Variants in PCSK5 observed in about 807,000 individuals in gnomAD.
PCSK5 encodes the protein proprotein convertase subtilisin/kexin type 5, also known as prohormone convertase 5.
Under a neutral mutation model 233.2 loss-of-function variants are expected in PCSK5, and 129 were observed. The ratio of observed to expected loss-of-function variants is 0.55; its 90% CI spans 0.48 to 0.64. The LOEUF (loss-of-function observed/expected upper bound fraction) is 0.64, where lower values mean the gene tolerates loss of function less well. PCSK5 is among the 30% of genes least tolerant of loss of function. PCSK5 has a pLI of 0.00. For synonymous variants in PCSK5, 825 were observed against 879.2 expected (o/e 0.94, Z 1.09); for missense variants, 2,076 against 2,430.1 (o/e 0.85, Z 3.06).
intron 18 of PCSK5, among the ~76,000 whole-genome samples, 178 bp from the exon 19 acceptor site, chr9:76,188,916 T>G (rs748389779): frequency 6.6e-6 from 1 of 152,268 alleles, no homozygotes; most frequent in Non-Finnish European, 1.5e-5. Context: ...GTGAATGTTT[T>G]TGTCAAGAGG....
chr9:76,295,552 GT>G, intron 26 of PCSK5, 141 bp downstream of exon 26: 1 of 684,408 alleles, frequency 1.5e-6, no homozygotes, highest in Non-Finnish European at 2.4e-6. Context: ...TTTTAATTTG[GT>G]TTAGAAATAA....
At chr9:75,899,090 A>G (rs1825920648) in intron 1 of PCSK5, among the ~76,000 whole-genome samples, 1 of 152,184 alleles carries the variant, frequency 6.6e-6, no homozygotes, top group Non-Finnish European at 1.5e-5. Context: ...CTTGTAGAGG[A>G]TGATTCAATA....
At chr9:75,938,160 G>C (rs1439541729) in intron 2 of PCSK5, among the ~76,000 whole-genome samples, 1 of 152,148 alleles carries the variant, frequency 6.6e-6, no homozygotes, top group African/African-American at 2.4e-5. Context: ...TTCTTACCAA[G>C]TGTAATCATT....
intron 30 of PCSK5, among the ~76,000 whole-genome samples, chr9:76,313,971 TTTGCTTACCAGAGTCAGTCA>T (rs1449793528): frequency 6.6e-6 from 1 of 152,160 alleles, no homozygotes; most frequent in African/African-American, 2.4e-5. Context: ...GTGAAAGAGA[TTTGCTTACCAGAGTCAGTCA>T]TTGCTTCCTC....
intron 8 of PCSK5, among the ~76,000 whole-genome samples, chr9:76,102,715 C>G (rs1474546217): frequency 6.6e-6 from 1 of 152,160 alleles, no homozygotes. Flanking sequence ...ATTGTATATA[C>G]ACATATGCAC....
At chr9:76,323,837 C>G (rs546806412) in intron 32 of PCSK5, among the ~76,000 whole-genome samples, 1 of 152,020 alleles carries the variant, frequency 6.6e-6, no homozygotes, top group African/African-American at 2.4e-5. Flanking sequence ...AGAGGAGGAG[C>G]CTTCAAAAGC....
intron 3 of PCSK5, among the ~76,000 whole-genome samples, chr9:76,018,905 G>A (rs963209286): frequency 3.3e-5 from 5 of 152,124 alleles, no homozygotes; most frequent in South Asian, 2.1e-4. Context: ...TCCAACATCC[G>A]CGCCTTATCT....
At chr9:75,931,338 G>A (rs1214220729) in intron 1 of PCSK5, among the ~76,000 whole-genome samples, 2 of 151,236 alleles carry the variant, frequency 1.3e-5, no homozygotes, top group Admixed American at 1.3e-4. Context: ...TTATTTTAGG[G>A]CAGAGCCGTG....
intron 2 of PCSK5, among the ~76,000 whole-genome samples, chr9:75,978,861 A>G (rs1339259826): frequency 7.7e-6 from 1 of 130,478 alleles, no homozygotes; most frequent in Non-Finnish European, 1.7e-5. Flanking sequence ...CTTTGTTTGA[A>G]TGTTTCCCTT....
intron 3 of PCSK5, among the ~76,000 whole-genome samples, chr9:76,011,056 T>C (rs1034642132): frequency 6.6e-6 from 1 of 152,230 alleles, no homozygotes; most frequent in Middle Eastern, 3.2e-3. Context: ...AGAAATTCTG[T>C]TGGATGCTAT....
At chr9:75,935,636 G>A (rs545779218) in intron 2 of PCSK5, among the ~76,000 whole-genome samples, 6 of 152,030 alleles carry the variant, frequency 3.9e-5, no homozygotes, top group East Asian at 1.9e-4. Context: ...CATGTTTCCC[G>A]AGTCCTCTTT....
intron 2 of PCSK5, among the ~76,000 whole-genome samples, chr9:75,965,665 C>A (rs1046440063): frequency 4.6e-5 from 7 of 152,134 alleles, no homozygotes; most frequent in African/African-American, 1.7e-4. Flanking sequence ...ACAGTTATAC[C>A]CAAAGAGAGT....
chr9:76,319,450 T>C (rs1829127887), intron 30 of PCSK5, among the ~76,000 whole-genome samples: 1 of 149,576 alleles, frequency 6.7e-6, no homozygotes, highest in African/African-American at 2.5e-5. Flanking sequence ...GTTGCATTAC[T>C]AATATAACCT....
chr9:76,125,129 A>G lies in PCSK5; in HGVS notation c.1209-8980A>G, dbSNP rs1004286859. On this transcript the variant is annotated intron_variant, in intron 9 of 37. Transcript: ENST00000674117. The stretch of plus-strand genomic sequence containing the variant: ...AATTATTCATTCTCAATTTAAAAAA[A>G]AAACTGGCTACAGAAAGGCTGTGGC... 2.9e-3 allele frequency among the ~76,000 whole-genome samples: 440 copies of G among 152,248 alleles called. 3 individuals are homozygous for G. Among genetic ancestry groups the G allele is most frequent in the African/African-American group, 0.01 (417 of 41,548 alleles).
chr9:76,107,427 A>G, intron 9 of PCSK5, 76 bp downstream of exon 9: 1 of 803,744 alleles, frequency 1.2e-6, no homozygotes, highest in East Asian at 2.6e-5. Context: ...TCCCTTGTAT[A>G]GGACCCCTAG....
chr9:76,285,192 A>G (rs1182788348), intron 24 of PCSK5, among the ~76,000 whole-genome samples: 1 of 152,126 alleles, frequency 6.6e-6, no homozygotes, highest in Non-Finnish European at 1.5e-5. Flanking sequence ...GCCAACCTGA[A>G]TCCTGGGAAG....
chr9:76,285,246 T>G (rs1828027530), intron 24 of PCSK5, among the ~76,000 whole-genome samples: 2 of 152,012 alleles, frequency 1.3e-5, no homozygotes, highest in Admixed American at 6.6e-5. Flanking sequence ...TATAGATGAG[T>G]AGACCAGAGA....
At chr9:75,967,417 C>T (rs9969811) in intron 2 of PCSK5, among the ~76,000 whole-genome samples, 3 of 152,090 alleles carry the variant, frequency 2.0e-5, no homozygotes, top group African/African-American at 7.2e-5. Flanking sequence ...TTGCTGCAAA[C>T]GACATGATTT....
intron 3 of PCSK5, among the ~76,000 whole-genome samples, chr9:76,005,642 C>T (rs570903205): frequency 6.6e-4 from 101 of 152,208 alleles, no homozygotes; most frequent in African/African-American, 2.4e-3. Context: ...ACTGAATGAC[C>T]TTGTACACAT....
Sources: gnomAD v4.1 joint callset for allele counts (sites outside exome capture counted in the v4.1 genomes callset) on GRCh38, gnomAD v4.1.1 for gene constraint, MANE v1.5 for transcripts, NCBI Gene and HGNC (gene_info 2026-07-23, HGNC 2026-07-21) for gene names.